NRG3: variants seen among roughly 807,000 people sequenced by gnomAD.
NRG3 encodes neuregulin 3, also known as pro-neuregulin-3, membrane-bound isoform.
NRG3 carries 31 observed loss-of-function variants against 66.9 expected under a neutral mutation model. The observed-to-expected ratio is 0.46, with a 90% confidence interval of 0.35 to 0.63. The LOEUF is 0.63. Ranked by LOEUF, NRG3 falls within the 20% of genes least tolerant of loss-of-function variation. The probability of loss-of-function intolerance (pLI) is 0.00; values close to 1 mark genes in which losing one functional copy is unlikely to be tolerated. For synonymous variants in NRG3, 393 were observed against 359.4 expected, an observed-to-expected ratio of 1.09 and a Z score of -1.06; for missense variants, 910 against 878.9, an observed-to-expected ratio of 1.04 and a Z score of -0.45.
chr10:82,249,137 A>G (rs924732504), intron 1 of NRG3, among the ~76,000 whole-genome samples: 2 of 152,204 alleles, frequency 1.3e-5, no homozygotes, highest in East Asian at 1.9e-4. Context: ...TTTTGGCCCC[A>G]TATCTCTGTA....
At position 82,869,378 on chromosome 10, in the gene NRG3, T is replaced by C. The variant is rs535635963; in HGVS notation, c.1054+3941T>C. ...ACAAACCTAAACCTACATTGACTCA[T>C]CATTATCATTCAAAGTCCAAAGTTT... On this transcript the variant is annotated intron_variant, in intron 4 of 8. Coordinates refer to ENST00000372141, the MANE Select transcript of NRG3 (RefSeq NM_001010848.4). Among the ~76,000 whole-genome samples, 4 of 152,246 alleles carry C rather than the reference T, an allele frequency of 2.6e-5. No homozygotes were observed. The East Asian group carries it at 7.7e-4, about 29-fold the overall frequency.
At chr10:82,529,229 C>T (rs1847022446) in intron 2 of NRG3, among the ~76,000 whole-genome samples, 1 of 152,210 alleles carries the variant, frequency 6.6e-6, no homozygotes, top group Non-Finnish European at 1.5e-5. Context: ...AACTCTGTGG[C>T]TTCAGGTGTC....
At chr10:82,227,936 C>T (rs1431676349) in intron 1 of NRG3, among the ~76,000 whole-genome samples, 1 of 152,150 alleles carries the variant, frequency 6.6e-6, no homozygotes, top group African/African-American at 2.4e-5. Flanking sequence ...TAAGTTTCCT[C>T]AAGTCTGACC....
intron 1 of NRG3, among the ~76,000 whole-genome samples, chr10:82,223,617 T>C (rs984506986): frequency 1.3e-5 from 2 of 150,184 alleles, no homozygotes; most frequent in Non-Finnish European, 3.0e-5. Flanking sequence ...GAATGCAGTG[T>C]AGTAATATTC....
At chr10:82,414,092 G>A (rs533303327) in intron 2 of NRG3, among the ~76,000 whole-genome samples, 14 of 152,170 alleles carry the variant, frequency 9.2e-5, no homozygotes, top group African/African-American at 3.4e-4. Context: ...TCAATGTTTA[G>A]CACAAGGAGC....
chr10:82,686,331 G>T (rs1039736756), intron 2 of NRG3, among the ~76,000 whole-genome samples: 9 of 151,906 alleles, frequency 5.9e-5, no homozygotes, highest in Non-Finnish European at 2.9e-5. Flanking sequence ...GGAATTATAG[G>T]CGCCCACCGC....
intron 2 of NRG3, among the ~76,000 whole-genome samples, chr10:82,363,382 C>T (rs1055046702): frequency 1.3e-5 from 2 of 152,158 alleles, no homozygotes; most frequent in Non-Finnish European, 2.9e-5. Context: ...TGAGGGAGTG[C>T]ACTTTGTTAA....
chr10:82,128,021 G>A (rs1406103789), intron 1 of NRG3, among the ~76,000 whole-genome samples: 1 of 151,976 alleles, frequency 6.6e-6, no homozygotes, highest in Non-Finnish European at 1.5e-5. Flanking sequence ...GAAAATTGAA[G>A]CCCATAAATA....
rs377217912 is a variant in NRG3 at position 82,973,772 on chromosome 10, G to C, written c.1285-16G>C. The C allele has an allele frequency of 1.2e-6, 2 of 1,613,632 alleles. No individual in the cohort carries two copies. The highest frequency in any genetic ancestry group is 2.7e-5 in the African/African-American group (2 of 74,906). On this transcript the variant is annotated splice_polypyrimidine_tract_variant and intron_variant, in intron 6 of 8. Coordinates refer to ENST00000372141, the MANE Select transcript of NRG3 (RefSeq NM_001010848.4). Reference sequence around the variant, plus strand: ...TGTATCCTTCGTCTCAACTCTGTACGTGTGATTTCCCACAGTATTCAAAGG... The same window carrying C: ...TGTATCCTTCGTCTCAACTCTGTACCTGTGATTTCCCACAGTATTCAAAGG...
rs76703124 is a variant in NRG3 at position 82,694,238 on chromosome 10, G to A, written c.954-44339G>A. Among the ~76,000 whole-genome samples the A allele has an allele frequency of 5.1e-3, 783 of 152,238 alleles. 9 individuals are homozygous for A. The highest frequency in any genetic ancestry group is 0.018 in the African/African-American group (733 of 41,544). On this transcript the variant is annotated intron_variant, in intron 2 of 8. Coordinates refer to ENST00000372141, the MANE Select transcript of NRG3 (RefSeq NM_001010848.4). ...CTAGACACAGAGCGCTGATTGGTGC[G>A]TTTTTACAGAGTGATGATGGGTGCA...
chr10:82,126,294 A>G (rs2068444862), intron 1 of NRG3, among the ~76,000 whole-genome samples: 1 of 152,110 alleles, frequency 6.6e-6, no homozygotes, highest in African/African-American at 2.4e-5. Context: ...TAAAAATATT[A>G]TTCCCTATAA....
At chr10:82,862,186 C>G (rs923972969) in intron 3 of NRG3, among the ~76,000 whole-genome samples, 2 of 152,116 alleles carry the variant, frequency 1.3e-5, no homozygotes, top group Non-Finnish European at 2.9e-5. Context: ...TACCGAATAC[C>G]AACAGACTGT....
intron 3 of NRG3, among the ~76,000 whole-genome samples, chr10:82,778,782 G>A (rs1004336058): frequency 6.6e-6 from 1 of 152,108 alleles, no homozygotes; most frequent in Admixed American, 6.5e-5. Flanking sequence ...TGCTCTGTGG[G>A]GTCAAAGGCT....
chr10:82,100,592 C>T (rs2066668879), intron 1 of NRG3, among the ~76,000 whole-genome samples: 1 of 152,026 alleles, frequency 6.6e-6, no homozygotes, highest in Non-Finnish European at 1.5e-5. Flanking sequence ...GAGATTTAAT[C>T]TGTCAAATCT....
intron 3 of NRG3, among the ~76,000 whole-genome samples, chr10:82,830,941 A>G (rs1029275870): frequency 6.6e-6 from 1 of 152,232 alleles, no homozygotes; most frequent in African/African-American, 2.4e-5. Context: ...GATACAGAAC[A>G]TGCAATGCTG....
chr10:82,489,252 C>T (rs1352204591), intron 2 of NRG3, among the ~76,000 whole-genome samples: 1 of 152,104 alleles, frequency 6.6e-6, no homozygotes, highest in Non-Finnish European at 1.5e-5. Flanking sequence ...TTTAACATAT[C>T]CCCACATAGT....
intron 2 of NRG3, among the ~76,000 whole-genome samples, chr10:82,563,477 T>C (rs898984765): frequency 3.3e-5 from 5 of 152,118 alleles, no homozygotes; most frequent in Admixed American, 2.6e-4. Flanking sequence ...AGAGTCAGCC[T>C]GTTCCCTGAG....
chr10:82,355,967 G>T (rs921226364), intron 1 of NRG3, among the ~76,000 whole-genome samples: 1 of 152,130 alleles, frequency 6.6e-6, no homozygotes, highest in Non-Finnish European at 1.5e-5. Context: ...CATTGTGAAG[G>T]TTAAGCATGT....
At chr10:82,750,381 T>C (rs1465534405) in intron 3 of NRG3, among the ~76,000 whole-genome samples, 1 of 152,144 alleles carries the variant, frequency 6.6e-6, no homozygotes, top group Non-Finnish European at 1.5e-5. Flanking sequence ...TTTTAAAAAA[T>C]TGGACACATG....
Sources: gnomAD v4.1 joint callset for allele counts (sites outside exome capture counted in the v4.1 genomes callset) on GRCh38, gnomAD v4.1.1 for gene constraint, MANE v1.5 for transcripts, NCBI Gene and HGNC (gene_info 2026-07-23, HGNC 2026-07-21) for gene names.